The following ITGA8 variants were observed in gnomAD, a reference collection of about 807,000 sequenced individuals.
The protein encoded by ITGA8 is integrin alpha-8.
A neutral mutation model predicts 142.3 loss-of-function variants in ITGA8; 91 were observed. That is an observed-to-expected ratio of 0.64 (90% CI 0.54 to 0.76). The LOEUF is 0.76. Ranked by LOEUF, ITGA8 falls within the 30% of genes least tolerant of loss-of-function variation. The pLI, the probability that ITGA8 is intolerant of heterozygous loss-of-function variation, is 0.00. For missense variants in ITGA8, 1,406 were observed against 1,327.7 expected, an observed-to-expected ratio of 1.06 and a Z score of -0.92; for synonymous variants, 505 against 485.2, an observed-to-expected ratio of 1.04 and a Z score of -0.54.
intron 25 of ITGA8, among the ~76,000 whole-genome samples, chr10:15,565,975 A>G (rs1259691979): frequency 6.6e-6 from 1 of 151,994 alleles, no homozygotes; most frequent in Non-Finnish European, 1.5e-5. Flanking sequence ...CTGTTGTGCT[A>G]GGAAGTAACG....
At chr10:15,537,329 T>G (rs1833465892) in intron 27 of ITGA8, among the ~76,000 whole-genome samples, 1 of 152,208 alleles carries the variant, frequency 6.6e-6, no homozygotes, top group Non-Finnish European at 1.5e-5. Flanking sequence ...CACCTGACAC[T>G]GAAATAAGCA....
intron 11 of ITGA8, among the ~76,000 whole-genome samples, chr10:15,649,704 A>G (rs1834052212): frequency 6.6e-6 from 1 of 152,132 alleles, no homozygotes; most frequent in Non-Finnish European, 1.5e-5. Context: ...GAAGACACTC[A>G]ATATAATATG....
intron 2 of ITGA8, among the ~76,000 whole-genome samples, chr10:15,702,759 A>G (rs1835189017): frequency 6.6e-6 from 1 of 151,930 alleles, no homozygotes; most frequent in Admixed American, 6.6e-5. Context: ...TGTTCAAATC[A>G]CTCCTTAAAA....
chr10:15,618,518 G>A (rs1468810712), intron 13 of ITGA8, among the ~76,000 whole-genome samples: 1 of 152,158 alleles, frequency 6.6e-6, no homozygotes, highest in African/African-American at 2.4e-5. Context: ...CAGACTGAAG[G>A]ATGCAAAGTA....
At chr10:15,657,267 A>G (rs1275059988) in intron 10 of ITGA8, among the ~76,000 whole-genome samples, 1 of 152,224 alleles carries the variant, frequency 6.6e-6, no homozygotes, top group Non-Finnish European at 1.5e-5. Context: ...AAGCATTGCT[A>G]GATTCTCATT....
At chr10:15,677,560 A>G in intron 6 of ITGA8, 32 bp downstream of exon 6, 1 of 1,597,596 alleles carries the variant, frequency 6.3e-7, no homozygotes, top group Non-Finnish European at 8.6e-7. Flanking sequence ...GTAACAACAA[A>G]TGTGCTTTTC....
chr10:15,717,321 G>T (rs1588749781), intron 2 of ITGA8, among the ~76,000 whole-genome samples: 2 of 152,000 alleles, frequency 1.3e-5, no homozygotes. Context: ...TCTTTATTTG[G>T]CCTGCTTTAA....
intron 15 of ITGA8, 71 bp downstream of exon 15, chr10:15,613,589 C>A (rs1833339660): frequency 1.8e-6 from 2 of 1,095,458 alleles, no homozygotes; most frequent in Admixed American, 3.5e-5. Context: ...GAATCCAAAT[C>A]TGTATTTTTC....
intron 23 of ITGA8, among the ~76,000 whole-genome samples, chr10:15,576,725 A>G (rs1017417469): frequency 1.3e-5 from 2 of 152,236 alleles, no homozygotes; most frequent in African/African-American, 4.8e-5. Flanking sequence ...TGGTTTGTGT[A>G]CCACAAATGT....
chr10:15,680,259 C>T (rs1440299410), intron 4 of ITGA8, among the ~76,000 whole-genome samples: 1 of 119,890 alleles, frequency 8.3e-6, no homozygotes, highest in Non-Finnish European at 1.6e-5. Flanking sequence ...ATGGAGTCTC[C>T]CTCTGTTGCC....
At chr10:15,685,402 C>T (rs142018807) in intron 3 of ITGA8, among the ~76,000 whole-genome samples, 73 of 152,210 alleles carry the variant, frequency 4.8e-4, no homozygotes, top group African/African-American at 1.7e-3. Context: ...AATATTTGCT[C>T]ATACTTTGGA....
rs577313572 is a variant in ITGA8 at position 15,555,734 on chromosome 10, T to C, written c.2766+2340A>G. On this transcript the variant is annotated intron_variant, in intron 26 of 29. Coordinates refer to ENST00000378076, the MANE Select transcript of ITGA8 (RefSeq NM_003638.3). ...TTTTTGAGACGGAGTCTCGCTCTGT[T>C]GCCCAGGCTGGAGTGCAGTGGCGCG... Among the ~76,000 whole-genome samples the C allele has an allele frequency of 3.8e-3, 576 of 151,724 alleles. 10 individuals are homozygous for C. Among genetic ancestry groups the C allele is most frequent in the South Asian group, 0.017 (81 of 4,800 alleles).
chr10:15,677,682 T>C, intron 5 of ITGA8, 45 bp from the exon 6 acceptor site: 1 of 1,562,632 alleles, frequency 6.4e-7, no homozygotes, highest in Non-Finnish European at 8.8e-7. Context: ...GGAAAAGAAA[T>C]ACTAAACATT....
chr10:15,563,918 C>CAA (rs928341834), intron 25 of ITGA8, among the ~76,000 whole-genome samples: 4 of 96,180 alleles, frequency 4.2e-5, no homozygotes, highest in South Asian at 3.3e-4. Flanking sequence ...AGGCTGTCTC[C>CAA]AAAAAAAAAA....
At position 15,644,495 on chromosome 10, in the gene ITGA8, AT is replaced by A. The variant is rs35880999; in HGVS notation, c.1208-275del. On this transcript the variant is annotated intron_variant, in intron 12 of 29. Coordinates refer to ENST00000378076, the MANE Select transcript of ITGA8 (RefSeq NM_003638.3). ...ATATATATATATATATATATATAGA[AT>A]TTTTTTTTTTTTTTGAGCAATGGGT... Among the ~76,000 whole-genome samples the A allele has an allele frequency of 2.3e-3, 102 of 44,914 alleles. 12 individuals are homozygous for A. Among genetic ancestry groups the A allele is most frequent in the African/African-American group, 4.7e-3 (52 of 11,126 alleles). 29.5% of individuals were successfully genotyped at this position (44,914 alleles called of 152,430 possible). A position where few individuals can be genotyped will look rare whatever the true frequency, so the allele number is the denominator to read the frequency against.
At chr10:15,673,965 T>A (rs12252108) in intron 6 of ITGA8, among the ~76,000 whole-genome samples, 1 of 152,224 alleles carries the variant, frequency 6.6e-6, no homozygotes, top group African/African-American at 2.4e-5. Flanking sequence ...AAGTGTGATA[T>A]CATGCTCTTT....
chr10:15,644,491 T>G (rs1833940868), intron 12 of ITGA8, among the ~76,000 whole-genome samples: 4 of 18,394 alleles, frequency 2.2e-4, no homozygotes, highest in African/African-American at 3.7e-4. Context: ...TATATATATA[T>G]AGAATTTTTT....
chr10:15,529,063 CCTTTCTTCCTTTCTTCCTTT>C (rs1281295581), intron 28 of ITGA8, among the ~76,000 whole-genome samples: 8 of 150,564 alleles, frequency 5.3e-5, no homozygotes, highest in African/African-American at 2.0e-4. Context: ...TTCCTTTCTT[CCTTTCTTCCTTTCTTCCTTT>C]CTTTCTTCCC....
intron 27 of ITGA8, among the ~76,000 whole-genome samples, chr10:15,539,789 C>T (rs1833531527): frequency 6.6e-6 from 1 of 152,142 alleles, no homozygotes; most frequent in African/African-American, 2.4e-5. Context: ...CTTTTCTTTG[C>T]ATTGGGAACA....
Sources: allele counts gnomAD v4.1 joint callset (sites outside exome capture counted in the v4.1 genomes callset), GRCh38; gene constraint gnomAD v4.1.1; transcripts MANE v1.5; gene names NCBI Gene and HGNC (gene_info 2026-07-23, HGNC 2026-07-21).